Variants in EYS observed in about 807,000 individuals in gnomAD.
The protein encoded by EYS is EGF-like photoreceptor maintenance factor, also known as protein eyes shut homolog.
EYS carries 250 observed loss-of-function variants against 282.1 expected under a neutral mutation model. That is an observed-to-expected ratio of 0.89 (90% confidence interval 0.80 to 0.98). The LOEUF is 0.98. Ranked by LOEUF, EYS falls within the 50% of genes least tolerant of loss-of-function variation. The pLI, the probability that EYS is intolerant of heterozygous loss-of-function variation, is 0.00. For missense variants in EYS, 4,016 were observed against 3,709.0 expected (o/e 1.08, Z -2.15); for synonymous variants, 1,355 against 1,282.9 (o/e 1.06, Z -1.20).
intron 2 of EYS, among the ~76,000 whole-genome samples, chr6:65,540,520 C>A (rs1768125034): frequency 6.6e-6 from 1 of 151,980 alleles, no homozygotes; most frequent in Admixed American, 6.6e-5. Context: ...TTAGCTGATG[C>A]CAAATATACA....
intron 22 of EYS, among the ~76,000 whole-genome samples, chr6:64,798,716 C>T (rs1360669581): frequency 6.7e-6 from 1 of 149,066 alleles, no homozygotes; most frequent in Non-Finnish European, 1.5e-5. Context: ...TCCTTAGTCT[C>T]CTTCCTTCCA....
At chr6:65,300,156 G>T (rs904287184) in intron 11 of EYS, among the ~76,000 whole-genome samples, 1 of 151,996 alleles carries the variant, frequency 6.6e-6, no homozygotes, top group Non-Finnish European at 1.5e-5. Flanking sequence ...AAAATACATT[G>T]GATATTCTCT....
chr6:65,549,630 T>C (rs1334771023), intron 2 of EYS, among the ~76,000 whole-genome samples: 1 of 152,334 alleles, frequency 6.6e-6, no homozygotes, highest in South Asian at 2.1e-4. Flanking sequence ...TAAGGTCTCA[T>C]TTTCTGCAAT....
chr6:64,230,702 T>A lies in EYS; in HGVS notation c.6314A>T (p.Gln2105Leu). The A allele has an allele frequency of 6.4e-7, 1 of 1,551,644 alleles. No homozygotes were observed. Among genetic ancestry groups the A allele is most frequent in the Non-Finnish European group, 8.7e-7 (1 of 1,146,926 alleles). Residue 2105 changes from glutamine to leucine, a missense_variant, in exon 31 of 43, where the codon CAG becomes CTG. Physicochemically the swap from Gln to Leu is moderately radical, Grantham distance 113. Coordinates refer to ENST00000503581, the MANE Select transcript of EYS (RefSeq NM_001142800.2). ...TGTGCCTCCATTGTGGCATACATCC[T>A]GCTGGCACACAGAGGGTGCTGCAAC... ...PSVAAPSVCQQDVCHNGGTCH... is the reference protein window; with the variant it reads ...PSVAAPSVCQLDVCHNGGTCH...
intron 2 of EYS, among the ~76,000 whole-genome samples, chr6:65,508,491 G>A (rs1191287347): frequency 6.6e-6 from 1 of 151,784 alleles, no homozygotes; most frequent in Non-Finnish European, 1.5e-5. Context: ...GGCTAACATG[G>A]TGAAACCCCA....
intron 12 of EYS, among the ~76,000 whole-genome samples, chr6:65,107,578 T>C (rs1169600516): frequency 2.0e-5 from 3 of 151,788 alleles, no homozygotes; most frequent in Admixed American, 2.0e-4. Context: ...TAATGTATTA[T>C]AATATATTAG....
At chr6:65,203,294 C>T (rs1310120045) in intron 12 of EYS, among the ~76,000 whole-genome samples, 1 of 152,128 alleles carries the variant, frequency 6.6e-6, no homozygotes, top group Non-Finnish European at 1.5e-5. Context: ...CACAACCCAA[C>T]ATAATTCTTG....
chr6:63,849,273 A>T (rs1772180278), intron 36 of EYS, among the ~76,000 whole-genome samples: 1 of 152,140 alleles, frequency 6.6e-6, no homozygotes, highest in East Asian at 1.9e-4. Flanking sequence ...CAGCATACTT[A>T]AAGGTTCCTG....
At chr6:65,231,079 A>G (rs796802926) in intron 12 of EYS, among the ~76,000 whole-genome samples, 2 of 49,060 alleles carry the variant, frequency 4.1e-5, no homozygotes, top group South Asian at 2.0e-3. Flanking sequence ...TTATATATAT[A>G]TATGTGTATA....
intron 22 of EYS, among the ~76,000 whole-genome samples, chr6:64,708,631 A>C (rs1231143181): frequency 6.6e-6 from 1 of 152,150 alleles, no homozygotes; most frequent in African/African-American, 2.4e-5. Flanking sequence ...GGAAAAAAAA[A>C]GTCTCCCTCA....
intron 11 of EYS, among the ~76,000 whole-genome samples, chr6:65,300,694 A>G (rs1279183594): frequency 6.6e-6 from 1 of 152,176 alleles, no homozygotes; most frequent in Non-Finnish European, 1.5e-5. Flanking sequence ...ACTTTATTGC[A>G]CTGTGATCAA....
intron 2 of EYS, among the ~76,000 whole-genome samples, chr6:65,607,444 T>G (rs354394): frequency 6.6e-6 from 1 of 151,792 alleles, no homozygotes; most frequent in Non-Finnish European, 1.5e-5. Context: ...ACCAATACAA[T>G]TAATAAGATT....
At chr6:65,361,484 C>T (rs1352775172) in intron 8 of EYS, among the ~76,000 whole-genome samples, 3 of 104,460 alleles carry the variant, frequency 2.9e-5, no homozygotes, top group East Asian at 2.7e-4. Flanking sequence ...TTCGTTCGTT[C>T]GTTCCTTTTT....
At chr6:64,852,807 G>A (rs909579227) in intron 19 of EYS, among the ~76,000 whole-genome samples, 5 of 152,078 alleles carry the variant, frequency 3.3e-5, no homozygotes. Flanking sequence ...GAAGCAAGGA[G>A]AGAGTCATGG....
At chr6:64,612,600 A>G (rs1767148101) in intron 24 of EYS, among the ~76,000 whole-genome samples, 2 of 152,128 alleles carry the variant, frequency 1.3e-5, no homozygotes, top group Admixed American at 6.5e-5. Context: ...TCAGCTTGTC[A>G]GAGATTGTCA....
chr6:64,542,482 G>A (rs73767319), intron 26 of EYS, among the ~76,000 whole-genome samples: 6,157 of 152,064 alleles, frequency 0.04, 264 homozygotes, highest in East Asian at 0.11. Flanking sequence ...TTTGGATAGA[G>A]GAGACATATA....
intron 33 of EYS, among the ~76,000 whole-genome samples, chr6:64,005,223 G>T (rs1293515938): frequency 1.3e-5 from 2 of 152,144 alleles, no homozygotes; most frequent in Admixed American, 1.3e-4. Context: ...TAGTGATGTT[G>T]AACTTTGTTT....
intron 2 of EYS, among the ~76,000 whole-genome samples, chr6:65,618,379 C>T (rs544892007): frequency 2.3e-3 from 352 of 152,022 alleles, no homozygotes; most frequent in African/African-American, 4.9e-3. Flanking sequence ...TCATGTCCTT[C>T]GCCCACTTTT....
intron 36 of EYS, among the ~76,000 whole-genome samples, chr6:63,854,287 A>C: frequency 6.6e-6 from 1 of 152,220 alleles, no homozygotes; most frequent in Non-Finnish European, 1.5e-5. Flanking sequence ...AAAAAGAATG[A>C]GTTCATGTCC....
Sources: gnomAD v4.1 joint callset for allele counts (sites outside exome capture counted in the v4.1 genomes callset) on GRCh38, gnomAD v4.1.1 for gene constraint, MANE v1.5 for transcripts, NCBI Gene and HGNC (gene_info 2026-07-23, HGNC 2026-07-21) for gene names.